Variants in ADAM2 observed in about 807,000 individuals in gnomAD.
ADAM2 encodes ADAM metallopeptidase domain 2.
ADAM2 carries 101 observed loss-of-function variants against 99.3 expected under a neutral mutation model. That is an observed-to-expected ratio of 1.02 (90% CI 0.87 to 1.20). The LOEUF is 1.20. Ranked by LOEUF, ADAM2 falls within the 50% of genes most tolerant of loss-of-function variation. The pLI, the probability that ADAM2 is intolerant of heterozygous loss-of-function variation, is 0.00. For synonymous variants in ADAM2, 323 were observed against 287.6 expected, an observed-to-expected ratio of 1.12 and a Z score of -1.25; for missense variants, 948 against 878.7, an observed-to-expected ratio of 1.08 and a Z score of -1.00.
intron 19 of ADAM2, among the ~76,000 whole-genome samples, chr8:39,745,918 T>C (rs967317824): frequency 7.2e-5 from 11 of 152,278 alleles, no homozygotes; most frequent in African/African-American, 2.6e-4. Flanking sequence ...TAGCTAATCT[T>C]GCCCCTAAAA....
At chr8:39,786,522 A>G (rs1803472524) in intron 10 of ADAM2, among the ~76,000 whole-genome samples, 1 of 152,162 alleles carries the variant, frequency 6.6e-6, no homozygotes, top group African/African-American at 2.4e-5. Flanking sequence ...TAGATAATTA[A>G]TGTCAATTAG....
At chr8:39,761,905 C>G (rs1257720816) in intron 14 of ADAM2, among the ~76,000 whole-genome samples, 2 of 152,188 alleles carry the variant, frequency 1.3e-5, no homozygotes, top group African/African-American at 4.8e-5. Flanking sequence ...CACAGTGAAA[C>G]CCCGTCTCTA....
At chr8:39,800,385 G>A (rs1212151493) in intron 7 of ADAM2, among the ~76,000 whole-genome samples, 1 of 152,198 alleles carries the variant, frequency 6.6e-6, no homozygotes, top group African/African-American at 2.4e-5. Context: ...AGTTTCTGCT[G>A]AGAGGTCTGC....
At chr8:39,802,216 TG>T (rs1563367665) in intron 7 of ADAM2, among the ~76,000 whole-genome samples, 1 of 152,134 alleles carries the variant, frequency 6.6e-6, no homozygotes, top group African/African-American at 2.4e-5. Flanking sequence ...CTCCCTTGGC[TG>T]GGGGGAGGGG....
At chr8:39,812,222 T>A (rs1804733888) in intron 6 of ADAM2, among the ~76,000 whole-genome samples, 1 of 152,034 alleles carries the variant, frequency 6.6e-6, no homozygotes, top group Non-Finnish European at 1.5e-5. Flanking sequence ...TTACCAGGGA[T>A]GTGAAGGACC....
chr8:39,749,575 G>T, intron 17 of ADAM2, 92 bp downstream of exon 17: 2 of 1,332,656 alleles, frequency 1.5e-6, no homozygotes. Flanking sequence ...GTGTGTGTGT[G>T]TGTGTGTGTG....
intron 9 of ADAM2, among the ~76,000 whole-genome samples, chr8:39,787,536 CT>C (rs1368343397): frequency 8.1e-6 from 1 of 122,886 alleles, no homozygotes; most frequent in African/African-American, 3.6e-5. Flanking sequence ...TAAAAACTCT[CT>C]CTCTCTATAT....
chr8:39,792,718 A>C (rs2129585723), intron 7 of ADAM2, among the ~76,000 whole-genome samples: 1 of 152,212 alleles, frequency 6.6e-6, no homozygotes, highest in South Asian at 2.1e-4. Flanking sequence ...TCAAAAAAAA[A>C]TTGTGAAAGG....
In ADAM2 at chr8:39,749,674, T is replaced by G. The variant is rs1282600825; in HGVS notation, c.1868A>C (p.Asp623Ala). ...CATAGTACTGCTACTTACACCTCTA[T>G]CATTGCATTTGTCAGTAGTACAATC... The part of the protein sequence containing the change: ...GYDCTTDKCN[D>A]RGVCNNKKHC... The change falls in exon 17 of 21, where the codon GAT becomes GCT. Residue 623 changes from aspartate (D) to alanine (A), a missense_variant. Coordinates refer to ENST00000265708, the MANE Select transcript of ADAM2 (RefSeq NM_001464.5). 3 of 1,610,948 alleles carry G rather than the reference T, an allele frequency of 1.9e-6. No individual in the cohort carries two copies. In the South Asian group the frequency reaches 3.3e-5, roughly 18 times the overall value.
At position 39,820,997 on chromosome 8, in the gene ADAM2, C is replaced by T; in HGVS notation, c.513+5G>A. ...ACCATAGAGTTTGTTCAATTAATCA[C>T]CTACCTCTACGCTTTGTAATTTAAA... is the stretch of plus-strand genomic sequence containing the variant. On this transcript the variant is annotated splice_donor_5th_base_variant and intron_variant, in intron 6 of 20. Coordinates refer to ENST00000265708, the MANE Select transcript of ADAM2 (RefSeq NM_001464.5). 2 of 1,557,294 alleles carry T rather than the reference C, an allele frequency of 1.3e-6. No homozygotes were observed. Among genetic ancestry groups the T allele is most frequent in the African/African-American group, 2.7e-5 (2 of 72,738 alleles).
rs754040009 is a variant in ADAM2 at position 39,766,940 on chromosome 8, T to C, written c.1415A>G (p.Gln472Arg). The change falls in exon 14 of 21, where the codon CAG becomes CGG. Residue 472 changes from glutamine to arginine, a missense_variant. Physicochemically the swap from Gln to Arg is conservative, Grantham distance 43. Coordinates refer to ENST00000265708, the MANE Select transcript of ADAM2 (RefSeq NM_001464.5). The stretch of plus-strand genomic sequence containing the variant: ...ATTCAGTCCACACGGATGCCCAGTC[T>C]GAACATAGTGGTTTTCTGGGCATGA... ...SASCPENHYV[Q>R]TGHPCGLNQW... 5 of 1,614,072 alleles carry C rather than the reference T, an allele frequency of 3.1e-6. No individual in the cohort carries two copies. Among genetic ancestry groups the C allele is most frequent in the Admixed American group, 1.7e-5 (1 of 60,012 alleles).
At chr8:39,783,823 G>A (rs1030169838) in intron 10 of ADAM2, among the ~76,000 whole-genome samples, 2 of 151,906 alleles carry the variant, frequency 1.3e-5, no homozygotes, top group African/African-American at 4.8e-5. Flanking sequence ...ATGGTGCCGG[G>A]CACCTGTAGT....
At chr8:39,818,956 G>A (rs1165543520) in intron 6 of ADAM2, among the ~76,000 whole-genome samples, 2 of 151,966 alleles carry the variant, frequency 1.3e-5, no homozygotes, top group African/African-American at 4.8e-5. Flanking sequence ...TGTTAATATA[G>A]CAGTATTCCT....
At chr8:39,811,771 C>T (rs1309411370) in intron 6 of ADAM2, among the ~76,000 whole-genome samples, 5 of 152,210 alleles carry the variant, frequency 3.3e-5, no homozygotes, top group Non-Finnish European at 5.9e-5. Flanking sequence ...ATTGATGGGA[C>T]GTATCTCAAA....
intron 15 of ADAM2, among the ~76,000 whole-genome samples, chr8:39,757,670 G>A (rs907109694): frequency 7.9e-5 from 12 of 152,122 alleles, no homozygotes; most frequent in African/African-American, 2.9e-4. Context: ...AATGTTTTCA[G>A]CTCCTGCTCA....
chr8:39,819,929 G>T (rs1442188469), intron 6 of ADAM2, among the ~76,000 whole-genome samples: 1 of 152,094 alleles, frequency 6.6e-6, no homozygotes, highest in African/African-American at 2.4e-5. Flanking sequence ...CAAGAAAAGA[G>T]AATCTTAAGC....
chr8:39,811,728 C>A (rs766789728), intron 6 of ADAM2, among the ~76,000 whole-genome samples: 2 of 152,166 alleles, frequency 1.3e-5, no homozygotes, highest in African/African-American at 2.4e-5. Context: ...AATTCAACAG[C>A]GCTTCAGGCT....
chr8:39,831,968 A>C (rs1805635725), intron 3 of ADAM2, among the ~76,000 whole-genome samples: 2 of 152,204 alleles, frequency 1.3e-5, no homozygotes, highest in South Asian at 4.1e-4. Flanking sequence ...CAAGGATGTT[A>C]ATTCTCAAAT....
intron 11 of ADAM2, among the ~76,000 whole-genome samples, chr8:39,770,256 C>CT (rs1802729402): frequency 6.6e-6 from 1 of 152,092 alleles, no homozygotes; most frequent in African/African-American, 2.4e-5. Context: ...CCAGGCTTTT[C>CT]TTTTTTTAAG....
Sources: gnomAD v4.1 joint callset for allele counts (sites outside exome capture counted in the v4.1 genomes callset) on GRCh38, gnomAD v4.1.1 for gene constraint, MANE v1.5 for transcripts, NCBI Gene and HGNC (gene_info 2026-07-23, HGNC 2026-07-21) for gene names.